AGMO: variants seen among roughly 807,000 people sequenced by gnomAD.
AGMO encodes glyceryl-ether monooxygenase.
AGMO carries 75 observed loss-of-function variants against 60.2 expected under a neutral mutation model. That is an observed-to-expected ratio of 1.25 (90% CI 1.03 to 1.51). The LOEUF (loss-of-function observed/expected upper bound fraction) is 1.51, where lower values mean the gene tolerates loss of function less well. AGMO is among the 40% of genes most tolerant of loss of function. The pLI is 0.00. For synonymous variants in AGMO, 261 were observed against 177.1 expected (o/e 1.47, Z -3.76); for missense variants, 763 against 525.5 (o/e 1.45, Z -4.42).
At chr7:15,230,795 C>T (rs955984984) in intron 12 of AGMO, among the ~76,000 whole-genome samples, 2 of 152,090 alleles carry the variant, frequency 1.3e-5, no homozygotes, top group African/African-American at 4.8e-5. Flanking sequence ...CCGCAGAATC[C>T]ATGAAACTCC....
At chr7:15,383,899 A>G (rs1046121241) in intron 10 of AGMO, among the ~76,000 whole-genome samples, 7 of 151,738 alleles carry the variant, frequency 4.6e-5, no homozygotes, top group Non-Finnish European at 8.8e-5. Context: ...TATTGACTTT[A>G]GCACTGTGTA....
At chr7:15,435,564 T>C (rs905511880) in intron 3 of AGMO, among the ~76,000 whole-genome samples, 6 of 152,182 alleles carry the variant, frequency 3.9e-5, no homozygotes, top group African/African-American at 9.6e-5. Flanking sequence ...ATATTTTAAA[T>C]GGGTTGTTTT....
intron 12 of AGMO, among the ~76,000 whole-genome samples, chr7:15,215,542 T>C (rs916734785): frequency 4.6e-5 from 7 of 151,988 alleles, no homozygotes; most frequent in Non-Finnish European, 8.8e-5. Flanking sequence ...ATGTGTTTTA[T>C]AGAGACTGCA....
intron 12 of AGMO, among the ~76,000 whole-genome samples, chr7:15,350,681 G>A (rs1481513900): frequency 6.6e-6 from 1 of 152,170 alleles, no homozygotes; most frequent in African/African-American, 2.4e-5. Context: ...AAGCTGGCAT[G>A]AGGGATATTT....
intron 3 of AGMO, among the ~76,000 whole-genome samples, chr7:15,539,727 G>A (rs2115270235): frequency 6.6e-6 from 1 of 152,230 alleles, no homozygotes; most frequent in Middle Eastern, 3.4e-3. Flanking sequence ...TTTACACAAT[G>A]GCTGAACTAA....
chr7:15,251,021 A>C (rs1782917836), intron 12 of AGMO, among the ~76,000 whole-genome samples: 1 of 152,106 alleles, frequency 6.6e-6, no homozygotes, highest in South Asian at 2.1e-4. Context: ...AAGTTTGCTT[A>C]TACATATACA....
At chr7:15,295,290 T>C (rs568766870) in intron 12 of AGMO, among the ~76,000 whole-genome samples, 2 of 152,148 alleles carry the variant, frequency 1.3e-5, no homozygotes, top group East Asian at 3.9e-4. Context: ...AATGTATCTA[T>C]TTATTTCTTC....
chr7:15,277,855 A>G (rs1783845200), intron 12 of AGMO, among the ~76,000 whole-genome samples: 1 of 152,146 alleles, frequency 6.6e-6, no homozygotes, highest in Non-Finnish European at 1.5e-5. Flanking sequence ...ACAGCTGGCT[A>G]AAGCTGGAAC....
chr7:15,292,379 G>A (rs1784288946), intron 12 of AGMO, among the ~76,000 whole-genome samples: 1 of 152,146 alleles, frequency 6.6e-6, no homozygotes, highest in Admixed American at 6.5e-5. Context: ...TACATTGTCG[G>A]TTCTAGTGGG....
chr7:15,489,017 G>T (rs1319667360), intron 3 of AGMO, among the ~76,000 whole-genome samples: 1 of 151,986 alleles, frequency 6.6e-6, no homozygotes, highest in Non-Finnish European at 1.5e-5. Flanking sequence ...ACTTTTATTT[G>T]CAATAGTTGA....
chr7:15,183,129 CT>C, the AGMO span, among the ~76,000 whole-genome samples: 13 of 149,046 alleles, frequency 8.7e-5, no homozygotes, highest in African/African-American at 2.0e-4. Flanking sequence ...TTCAAGTATA[CT>C]TTTTTTTTTT....
intron 3 of AGMO, among the ~76,000 whole-genome samples, chr7:15,437,847 C>CA (rs1781444713): frequency 6.6e-6 from 1 of 152,150 alleles, no homozygotes; most frequent in Non-Finnish European, 1.5e-5. Flanking sequence ...GATGTTTGGC[C>CA]ACATGTAGAC....
chr7:15,418,745 G>A, intron 4 of AGMO, 92 bp from the exon 5 acceptor site: 3 of 754,532 alleles, frequency 4.0e-6, no homozygotes, highest in Non-Finnish European at 4.3e-6. Context: ...TATTTCTTTA[G>A]GAAATATATC....
chr7:15,420,852 T>G (rs763315317), intron 4 of AGMO, among the ~76,000 whole-genome samples: 1 of 152,190 alleles, frequency 6.6e-6, no homozygotes, highest in African/African-American at 2.4e-5. Flanking sequence ...ATTCTGACTC[T>G]TAGTTTCTTT....
At chr7:15,396,240 G>C (rs575902512) in intron 5 of AGMO, 1 of 152,314 alleles carries the variant, frequency 6.6e-6, no homozygotes, top group Non-Finnish European at 1.5e-5. Context: ...ACGGACCCTC[G>C]CAGTGAGTGC....
chr7:15,294,735 CTT>C (rs930723423), intron 12 of AGMO, among the ~76,000 whole-genome samples: 2 of 151,808 alleles, frequency 1.3e-5, no homozygotes, highest in African/African-American at 4.8e-5. Flanking sequence ...TTGTTCGAGA[CTT>C]ATTAAAATAT....
At chr7:15,322,277 C>A (rs1185355226) in intron 12 of AGMO, among the ~76,000 whole-genome samples, 1 of 145,916 alleles carries the variant, frequency 6.9e-6, no homozygotes, top group Non-Finnish European at 1.5e-5. Flanking sequence ...TCATCAGACG[C>A]CACTTAAAAA....
At chr7:15,168,544 G>A in the AGMO span, among the ~76,000 whole-genome samples, 1 of 152,168 alleles carries the variant, frequency 6.6e-6, no homozygotes, top group African/African-American at 2.4e-5. Context: ...TCAAGAGCTT[G>A]TCCACAGACC....
rs1178012523 is a variant in AGMO at position 15,453,671 on chromosome 7, A to T, written c.410-22563T>A. Among the ~76,000 whole-genome samples the T allele has an allele frequency of 2.6e-5, 4 of 152,300 alleles. No individual in the cohort carries two copies. The East Asian group carries it at 7.7e-4, about 29-fold the overall frequency. ...CAGAAAAACCTAGAAGGTGAAAAAC[A>T]TCTGGAGAACAATGAGCACTCCTGC... On this transcript the variant is annotated intron_variant, in intron 3 of 12. Coordinates refer to ENST00000342526, the MANE Select transcript of AGMO (RefSeq NM_001004320.2).
Sources: allele counts gnomAD v4.1 joint callset (sites outside exome capture counted in the v4.1 genomes callset), GRCh38; gene constraint gnomAD v4.1.1; transcripts MANE v1.5; gene names NCBI Gene and HGNC (gene_info 2026-07-23, HGNC 2026-07-21).